SNX13: variants seen among roughly 807,000 people sequenced by gnomAD.
The protein encoded by SNX13 is sorting nexin 13.
A neutral mutation model predicts 133.6 loss-of-function variants in SNX13; 45 were observed. The ratio of observed to expected loss-of-function variants is 0.34; its 90% CI spans 0.27 to 0.43. The LOEUF (loss-of-function observed/expected upper bound fraction) is 0.43. SNX13 is among the 20% of genes least tolerant of loss of function. SNX13 has a pLI of 1.00. For missense variants in SNX13, 1,032 were observed against 1,145.1 expected, an observed-to-expected ratio of 0.90 and a Z score of 1.43; for synonymous variants, 414 against 373.9, an observed-to-expected ratio of 1.11 and a Z score of -1.24.
intron 13 of SNX13, among the ~76,000 whole-genome samples, chr7:17,839,206 T>C (rs904124610): frequency 6.7e-6 from 1 of 149,414 alleles, no homozygotes; most frequent in African/African-American, 2.4e-5. Flanking sequence ...TATAGAATTA[T>C]AGTGTATTAC....
chr7:17,900,606 C>T (rs1797717312), intron 1 of SNX13, among the ~76,000 whole-genome samples: 1 of 152,180 alleles, frequency 6.6e-6, no homozygotes, highest in African/African-American at 2.4e-5. Context: ...TCCCCAGGCC[C>T]ATGGCAAGTA....
intron 22 of SNX13, 54 bp from the exon 23 acceptor site, chr7:17,799,208 T>G: frequency 7.1e-7 from 1 of 1,406,258 alleles, no homozygotes; most frequent in East Asian, 2.5e-5. Flanking sequence ...TACTATGAAT[T>G]GTTACTTTTG....
intron 1 of SNX13, among the ~76,000 whole-genome samples, chr7:17,925,680 C>A (rs1800666288): frequency 6.6e-6 from 1 of 152,154 alleles, no homozygotes; most frequent in African/African-American, 2.4e-5. Flanking sequence ...GATTATCACA[C>A]CTTGTTAGGG....
Position 17,792,904 on chromosome 7 carries a change from G to T in SNX13, c.*1141C>A, listed in dbSNP as rs1469635182. On this transcript the variant is annotated 3_prime_UTR_variant, in exon 26 of 26. Coordinates refer to ENST00000428135, the MANE Select transcript of SNX13 (RefSeq NM_015132.5). Reference sequence around the variant, plus strand: ...TATGGGTTTAAAGGTATACACTGAGGGGTCTTGCCTACTAGCTTTATTTTG... The same window carrying T: ...TATGGGTTTAAAGGTATACACTGAGTGGTCTTGCCTACTAGCTTTATTTTG... 1 of 151,980 alleles carries T rather than the reference G, an allele frequency of 6.6e-6. No individual in the cohort carries two copies. Among genetic ancestry groups the T allele is most frequent in the Non-Finnish European group, 1.5e-5 (1 of 67,728 alleles). 9.4% of individuals were successfully genotyped at this position (151,980 alleles called of 1,614,324 possible).
chr7:17,801,388 G>A (rs1161724064), intron 22 of SNX13, among the ~76,000 whole-genome samples, 200 bp downstream of exon 22: 2 of 151,750 alleles, frequency 1.3e-5, no homozygotes, highest in Non-Finnish European at 2.9e-5. Flanking sequence ...AGAGGATGAA[G>A]GGCTTTTCTG....
At chr7:17,875,226 C>T (rs1479775853) in intron 7 of SNX13, among the ~76,000 whole-genome samples, 1 of 151,910 alleles carries the variant, frequency 6.6e-6, no homozygotes, top group Admixed American at 6.6e-5. Flanking sequence ...CTTCGGCCTC[C>T]CAAAATGATG....
intron 11 of SNX13, among the ~76,000 whole-genome samples, chr7:17,849,997 C>T (rs777957951): frequency 6.6e-5 from 10 of 152,082 alleles, no homozygotes; most frequent in Non-Finnish European, 1.5e-5. Context: ...ATGTAAACTC[C>T]ACGAAAAGAG....
rs192072540 is a variant in SNX13, at chr7:17,856,102, G to C, written c.838-5138C>G. ...ACCACAGATGTGGTAGAAATGGCAA[G>C]AGAAGTAGAATTAGAAGTGGACCCT... On this transcript the variant is annotated intron_variant, in intron 9 of 25. Transcript: ENST00000428135. Among the ~76,000 whole-genome samples, 25 of 152,298 alleles carry C rather than the reference G, an allele frequency of 1.6e-4. No individual in the cohort carries two copies. In the East Asian group the frequency reaches 2.9e-3, roughly 18 times the overall value.
chr7:17,851,185 A>G (rs1296104426), intron 9 of SNX13, among the ~76,000 whole-genome samples: 1 of 152,256 alleles, frequency 6.6e-6, no homozygotes, highest in Non-Finnish European at 1.5e-5. Context: ...AGGAATAGGA[A>G]CATGCTCACA....
intron 5 of SNX13, chr7:17,890,112 A>G: frequency 3.4e-6 from 1 of 289,930 alleles, no homozygotes; most frequent in Non-Finnish European, 6.3e-6. Flanking sequence ...TTTGGACCCT[A>G]AAGAAAAAAC....
chr7:17,861,798 C>T (rs1381554876), intron 9 of SNX13, among the ~76,000 whole-genome samples: 1 of 152,200 alleles, frequency 6.6e-6, no homozygotes, highest in East Asian at 1.9e-4. Flanking sequence ...TACATAAAAT[C>T]GTAGGATCAA....
chr7:17,859,961 T>C (rs1314799186), intron 9 of SNX13, among the ~76,000 whole-genome samples: 2 of 152,170 alleles, frequency 1.3e-5, no homozygotes, highest in Non-Finnish European at 2.9e-5. Context: ...GCAATCATGA[T>C]TACACAAATT....
Position 17,868,451 on chromosome 7 carries a change from G to T in SNX13, c.793C>A (p.Gln265Lys), listed in dbSNP as rs1027179803. 1 of 1,609,778 alleles carries T rather than the reference G, an allele frequency of 6.2e-7. No homozygotes were observed. The highest frequency in any genetic ancestry group is 8.5e-7 in the Non-Finnish European group (1 of 1,178,010). Residue 265 changes from glutamine (Q) to lysine (K), a missense_variant, in exon 9 of 26, where the codon CAA becomes AAA. By Grantham distance (53) the Gln-to-Lys change is moderately conservative. Coordinates refer to ENST00000428135, the MANE Select transcript of SNX13 (RefSeq NM_015132.5). ...ARGILLPLIN[Q>K]LSDPDYINQY... ...TTAATATAATCAGGATCACTGAGTT[G>T]ATTTATTAATGGAAGAAGAATTCCT...
intron 1 of SNX13, among the ~76,000 whole-genome samples, chr7:17,927,419 T>A (rs1313588869): frequency 6.6e-6 from 1 of 151,782 alleles, no homozygotes; most frequent in Non-Finnish European, 1.5e-5. Context: ...ATTTTTTAAT[T>A]TTTTGCAGAG....
At chr7:17,802,410 G>A (rs999306419) in intron 21 of SNX13, among the ~76,000 whole-genome samples, 8 of 152,040 alleles carry the variant, frequency 5.3e-5, no homozygotes, top group African/African-American at 1.9e-4. Context: ...TTAACAAAAT[G>A]TTAGATGGAA....
intron 17 of SNX13, among the ~76,000 whole-genome samples, chr7:17,824,046 TAAAG>T (rs1382837440): frequency 1.3e-5 from 2 of 152,094 alleles, no homozygotes; most frequent in African/African-American, 4.8e-5. Flanking sequence ...TAATCTGACT[TAAAG>T]GAAGATATTG....
At chr7:17,851,367 A>G (rs189888439) in intron 9 of SNX13, among the ~76,000 whole-genome samples, 70 of 152,338 alleles carry the variant, frequency 4.6e-4, no homozygotes, top group African/African-American at 1.6e-3. Flanking sequence ...ACAGAAGAGT[A>G]ACACTCTCTA....
At chr7:17,933,110 T>C (rs1341792665) in intron 1 of SNX13, among the ~76,000 whole-genome samples, 9 of 152,212 alleles carry the variant, frequency 5.9e-5, no homozygotes, top group Admixed American at 5.9e-4. Flanking sequence ...AACATTATCC[T>C]TAATAACAGC....
chr7:17,861,503 A>AC (rs1423119233), intron 9 of SNX13, among the ~76,000 whole-genome samples: 2 of 152,096 alleles, frequency 1.3e-5, no homozygotes, highest in East Asian at 3.9e-4. Context: ...CAATTTCCCA[A>AC]ACAGATAAAA....
Sources: allele counts gnomAD v4.1 joint callset (sites outside exome capture counted in the v4.1 genomes callset), GRCh38; gene constraint gnomAD v4.1.1; transcripts MANE v1.5; gene names NCBI Gene and HGNC (gene_info 2026-07-23, HGNC 2026-07-21).